The following SPTSSB variants were observed in gnomAD, a reference collection of about 807,000 sequenced individuals.
The protein encoded by SPTSSB is androgen down regulated in mouse prostate.
Under a neutral mutation model 7.7 loss-of-function variants are expected in SPTSSB, and 6 were observed. That is an observed-to-expected ratio of 0.78 (90% CI 0.43 to 1.54). The LOEUF (loss-of-function observed/expected upper bound fraction) is 1.54, where lower values mean the gene tolerates loss of function less well. Ranked by LOEUF, SPTSSB falls within the 40% of genes most tolerant of loss-of-function variation. SPTSSB has a pLI of 0.01. For missense variants in SPTSSB, 91 were observed against 93.0 expected (o/e 0.98, Z 0.09); for synonymous variants, 28 against 29.7 (o/e 0.94, Z 0.19).
At chr3:161,346,552 A>G (rs1294851203) in intron 2 of SPTSSB, among the ~76,000 whole-genome samples, 197 bp from the exon 3 acceptor site, 1 of 152,168 alleles carries the variant, frequency 6.6e-6, no homozygotes, top group Non-Finnish European at 1.5e-5. Flanking sequence ...CACTACTAAT[A>G]ATCACTACTA....
In SPTSSB at chr3:161,359,865, G is replaced by T; in HGVS notation, c.-96C>A. ...TCACGAAATGATCCTGTGTGGGTTA[G>T]TTCTCCTCTCTGGGTTGCTGTTTCC... On this transcript the variant is annotated 5_prime_UTR_variant, in exon 2 of 3. Coordinates refer to ENST00000620149, the MANE Select transcript of SPTSSB (RefSeq NM_001040100.2). The T allele has an allele frequency of 1.1e-6, 1 of 897,772 alleles. No homozygotes were observed. Among genetic ancestry groups the T allele is most frequent in the Non-Finnish European group, 1.3e-6 (1 of 750,196 alleles). The allele number at this position is 897,772 out of a possible 1,614,324, so 55.6% of individuals were successfully genotyped here. A position where few individuals can be genotyped will look rare whatever the true frequency, so the allele number is the denominator to read the frequency against.
At position 161,351,595 on chromosome 3, in the gene SPTSSB, C is replaced by CAG. The variant is rs563578354; in HGVS notation, c.-32-5241_-32-5240insCT. ...TGGTGTATACACTCACACATACACA[C>CAG]ACAGAGAGAGAGAGAGAAAGAGAGA... On this transcript the variant is annotated intron_variant, in intron 2 of 2. Coordinates refer to ENST00000620149, the MANE Select transcript of SPTSSB (RefSeq NM_001040100.2). 9.1e-3 allele frequency among the ~76,000 whole-genome samples: 1,376 copies of CAG among 151,984 alleles called. 31 individuals are homozygous for CAG. The highest frequency in any genetic ancestry group is 0.013 in the Admixed American group (198 of 15,280).
intron 2 of SPTSSB, among the ~76,000 whole-genome samples, chr3:161,354,162 G>A (rs1268550977): frequency 2.0e-5 from 3 of 152,242 alleles, no homozygotes; most frequent in South Asian, 2.1e-4. Context: ...GCACATTATC[G>A]CTTTAGGCAG....
chr3:161,347,424 A>T (rs986338340), intron 2 of SPTSSB, among the ~76,000 whole-genome samples: 1 of 150,160 alleles, frequency 6.7e-6, no homozygotes, highest in African/African-American at 2.4e-5. Context: ...TGCCCGGCTA[A>T]TTTTTTTTTG....
chr3:161,350,278 G>A (rs530048640), intron 2 of SPTSSB, among the ~76,000 whole-genome samples: 1 of 152,188 alleles, frequency 6.6e-6, no homozygotes, highest in South Asian at 2.1e-4. Flanking sequence ...TGCAGAAGAC[G>A]TGATCAGTAG....
chr3:161,348,698 A>T (rs577585976), intron 2 of SPTSSB, among the ~76,000 whole-genome samples: 35 of 152,182 alleles, frequency 2.3e-4, no homozygotes, highest in East Asian at 1.5e-3. Flanking sequence ...AGATTAAAAA[A>T]ATTTTTTTTT....
At chr3:161,357,743 T>C (rs948739974) in intron 2 of SPTSSB, among the ~76,000 whole-genome samples, 7 of 151,994 alleles carry the variant, frequency 4.6e-5, no homozygotes, top group Non-Finnish European at 7.4e-5. Flanking sequence ...GAGAAGGCCC[T>C]GTGAAGACAG....
Sources: allele counts gnomAD v4.1 joint callset (sites outside exome capture counted in the v4.1 genomes callset), GRCh38; gene constraint gnomAD v4.1.1; transcripts MANE v1.5; gene names NCBI Gene and HGNC (gene_info 2026-07-23, HGNC 2026-07-21).